Variants in SAP30L observed in about 807,000 individuals in gnomAD.
The protein encoded by SAP30L is histone deacetylase complex subunit SAP30L.
In SAP30L, 10 loss-of-function variants were observed where a neutral mutation model predicts 22.3. The observed-to-expected ratio is 0.45, with a 90% CI of 0.28 to 0.76. The LOEUF (loss-of-function observed/expected upper bound fraction) is 0.76. SAP30L is among the 30% of genes least tolerant of loss of function. SAP30L has a pLI of 0.14. For missense variants in SAP30L, 206 were observed against 237.9 expected (o/e 0.87, Z 0.88); for synonymous variants, 91 against 94.1 (o/e 0.97, Z 0.19).
intron 3 of SAP30L, among the ~76,000 whole-genome samples, chr5:154,455,233 T>C (rs1757238345): frequency 1.3e-5 from 2 of 152,164 alleles, no homozygotes; most frequent in South Asian, 4.2e-4. Flanking sequence ...CAATTTTTAT[T>C]TGTTTTTGAG....
rs373872173 is a variant in SAP30L at position 154,453,394 on chromosome 5, C to T, written c.325-8C>T. On this transcript the variant is annotated splice_region_variant and splice_polypyrimidine_tract_variant and intron_variant, in intron 2 of 3. Transcript: ENST00000297109. ...TGATGGATAACATTTTTCTCCTCTT[C>T]TCCCTAGGTTGATCTGTTCCAGCTG... 1.2e-6 allele frequency: 2 copies of T among 1,608,986 alleles called. No individual in the cohort carries two copies. The highest frequency in any genetic ancestry group is 1.3e-5 in the African/African-American group (1 of 74,776).
At chr5:154,452,390 A>C in intron 2 of SAP30L, 3 of 248,436 alleles carry the variant, frequency 1.2e-5, no homozygotes, top group Non-Finnish European at 1.8e-5. Context: ...AAAGGTTTTG[A>C]GGAATGTTTT....
In SAP30L at chr5:154,460,550, A is replaced by G. The variant is rs1204546181; in HGVS notation, c.*4522A>G. On this transcript the variant is annotated 3_prime_UTR_variant, in exon 4 of 4. Coordinates refer to ENST00000297109, the MANE Select transcript of SAP30L (RefSeq NM_024632.6). ...ACTGTTTCCAAGTTTATGGTTAGAA[A>G]TGGTAAAGTGGGTCTGGTGTTTTGA... The G allele has an allele frequency of 2.0e-5, 3 of 152,230 alleles. No individual in the cohort carries two copies. Among genetic ancestry groups the G allele is most frequent in the Non-Finnish European group, 4.4e-5 (3 of 68,050 alleles). The allele number at this position is 152,230 out of a possible 1,614,324, so 9.4% of individuals were successfully genotyped here.
Position 154,455,891 on chromosome 5 carries a change from C to T in SAP30L, c.424-9C>T, listed in dbSNP as rs181538456. ...GTTTAAGGAACTTTGGTATTTTCCC[C>T]CCACATAGACTGTGAGTCGACACTT... On this transcript the variant is annotated splice_polypyrimidine_tract_variant and intron_variant, in intron 3 of 3. Coordinates refer to ENST00000297109, the MANE Select transcript of SAP30L (RefSeq NM_024632.6). 1.9e-6 allele frequency: 3 copies of T among 1,601,086 alleles called. No individual in the cohort carries two copies. Among genetic ancestry groups the T allele is most frequent in the South Asian group, 1.1e-5 (1 of 88,590 alleles).
At chr5:154,450,183 G>C (rs1279263575) in intron 1 of SAP30L, among the ~76,000 whole-genome samples, 1 of 152,204 alleles carries the variant, frequency 6.6e-6, no homozygotes, top group African/African-American at 2.4e-5. Flanking sequence ...GCCAGCCTTG[G>C]AGGATTCTTC....
intron 1 of SAP30L, among the ~76,000 whole-genome samples, chr5:154,447,969 CTTTTTTTTTTTTTTTTTT>C (rs140213326): frequency 2.9e-4 from 26 of 88,382 alleles, no homozygotes; most frequent in African/African-American, 1.2e-3. Context: ...TTTTCTTTTT[CTTTTTTTTTTTTTTTTTT>C]TTTTTTGAGA....
chr5:154,452,027 A>G (rs1192656740), intron 2 of SAP30L, among the ~76,000 whole-genome samples: 1 of 152,204 alleles, frequency 6.6e-6, no homozygotes, highest in Admixed American at 6.5e-5. Flanking sequence ...GTGAGGCTTC[A>G]GGAAGGAATA....
rs1407128353 is a variant in SAP30L at position 154,451,400 on chromosome 5, A to G, written c.324+187A>G. 1.4e-5 allele frequency: 9 copies of G among 638,384 alleles called. No individual in the cohort carries two copies. In the Admixed American group the frequency reaches 1.6e-4, roughly 11 times the overall value. 39.5% of individuals were successfully genotyped at this position (638,384 alleles called of 1,614,324 possible). On this transcript the variant is annotated intron_variant, in intron 2 of 3. Coordinates refer to ENST00000297109, the MANE Select transcript of SAP30L (RefSeq NM_024632.6). ...CTAAAAGCTTGGACACCCACTGGTCAGACTGCCCCATCATTTTACAGACAG... is the reference window on the plus strand; with the variant it reads ...CTAAAAGCTTGGACACCCACTGGTCGGACTGCCCCATCATTTTACAGACAG...
At chr5:154,452,070 CAA>C (rs1260011374) in intron 2 of SAP30L, among the ~76,000 whole-genome samples, 1 of 152,162 alleles carries the variant, frequency 6.6e-6, no homozygotes. Flanking sequence ...TGTTTTCACT[CAA>C]GACTCAGCAA....
intron 1 of SAP30L, among the ~76,000 whole-genome samples, chr5:154,448,458 C>G (rs1427771438): frequency 6.6e-6 from 1 of 152,200 alleles, no homozygotes; most frequent in Non-Finnish European, 1.5e-5. Flanking sequence ...AAACAAGGGT[C>G]TAGACACCAA....
In SAP30L at chr5:154,456,180, T is replaced by G. The variant is rs2113282202; in HGVS notation, c.*152T>G. 1 of 687,622 alleles carries G rather than the reference T, an allele frequency of 1.5e-6. No individual in the cohort carries two copies. The highest frequency in any genetic ancestry group is 3.1e-5 in the East Asian group (1 of 32,738). 42.6% of individuals were successfully genotyped at this position (687,622 alleles called of 1,614,324 possible). A position where few individuals can be genotyped will look rare whatever the true frequency, so the allele number is the denominator to read the frequency against. On this transcript the variant is annotated 3_prime_UTR_variant, in exon 4 of 4. Coordinates refer to ENST00000297109, the MANE Select transcript of SAP30L (RefSeq NM_024632.6). ...AATCTTTTTGGTCAGGAGGATTATA[T>G]TCTCATGATTCAGCATGTGTATAGA...
chr5:154,453,629 T>C, intron 3 of SAP30L, 129 bp downstream of exon 3: 1 of 677,208 alleles, frequency 1.5e-6, no homozygotes, highest in Non-Finnish European at 2.6e-6. Flanking sequence ...CAACTCTGTA[T>C]TCCTCTTTGG....
rs527498978 is a variant in SAP30L, at chr5:154,460,993, A to G, written c.*4965A>G. On this transcript the variant is annotated 3_prime_UTR_variant, in exon 4 of 4. Coordinates refer to ENST00000297109, the MANE Select transcript of SAP30L (RefSeq NM_024632.6). ...TATGTATGTGACTTTTCATGTTGCA[A>G]TATCACACGATGGGATGGCCCGACT... The G allele has an allele frequency of 1.1e-4, 17 of 152,328 alleles. No homozygotes were observed. Among genetic ancestry groups the G allele is most frequent in the Non-Finnish European group, 2.5e-4 (17 of 68,018 alleles). 9.4% of individuals were successfully genotyped at this position (152,328 alleles called of 1,614,324 possible). A position where few individuals can be genotyped will look rare whatever the true frequency, so the allele number is the denominator to read the frequency against.
At position 154,457,883 on chromosome 5, in the gene SAP30L, C is replaced by G. The variant is rs980923138; in HGVS notation, c.*1855C>G. On this transcript the variant is annotated 3_prime_UTR_variant, in exon 4 of 4. Transcript: ENST00000297109. ...TGCTTACAGCTGAAGGATGTTGATACAGGCATCAAGAAGGCTGAGGGGCAG... is the reference window on the plus strand; with the variant it reads ...TGCTTACAGCTGAAGGATGTTGATAGAGGCATCAAGAAGGCTGAGGGGCAG... The G allele has an allele frequency of 6.6e-6, 1 of 152,152 alleles. No individual in the cohort carries two copies. Among genetic ancestry groups the G allele is most frequent in the Admixed American group, 6.6e-5 (1 of 15,266 alleles). 9.4% of individuals were successfully genotyped at this position (152,152 alleles called of 1,614,324 possible). A position where few individuals can be genotyped will look rare whatever the true frequency, so the allele number is the denominator to read the frequency against.
At chr5:154,447,355 G>A (rs2113265233) in intron 1 of SAP30L, among the ~76,000 whole-genome samples, 1 of 152,356 alleles carries the variant, frequency 6.6e-6, no homozygotes, top group Middle Eastern at 3.4e-3. Flanking sequence ...CAGGTCTTGA[G>A]AAATGGCTCT....
chr5:154,446,980 A>G (rs1757031283), intron 1 of SAP30L, among the ~76,000 whole-genome samples, 175 bp downstream of exon 1: 1 of 152,190 alleles, frequency 6.6e-6, no homozygotes, highest in Non-Finnish European at 1.5e-5. Context: ...ACATGCTCTG[A>G]CTGTGATTCT....
At chr5:154,449,794 C>T (rs1268392622) in intron 1 of SAP30L, among the ~76,000 whole-genome samples, 2 of 152,168 alleles carry the variant, frequency 1.3e-5, no homozygotes, top group African/African-American at 4.8e-5. Context: ...TAAGTGGTGG[C>T]TTTCATTAGC....
intron 1 of SAP30L, among the ~76,000 whole-genome samples, chr5:154,447,256 G>T (rs950143050): frequency 3.3e-5 from 5 of 152,222 alleles, no homozygotes; most frequent in African/African-American, 1.2e-4. Flanking sequence ...CCGCATCCTC[G>T]GTATCAGCAG....
rs1021171275 is a variant in SAP30L at position 154,461,002 on chromosome 5, G to A, written c.*4974G>A. The A allele has an allele frequency of 3.9e-5, 6 of 152,330 alleles. No individual in the cohort carries two copies. Among genetic ancestry groups the A allele is most frequent in the African/African-American group, 9.6e-5 (4 of 41,572 alleles). The allele number at this position is 152,330 out of a possible 1,614,324, so 9.4% of individuals were successfully genotyped here. A position where few individuals can be genotyped will look rare whatever the true frequency, so the allele number is the denominator to read the frequency against. On this transcript the variant is annotated 3_prime_UTR_variant, in exon 4 of 4. Transcript: ENST00000297109. ...GACTTTTCATGTTGCAATATCACAC[G>A]ATGGGATGGCCCGACTTTTGCTCTT... is the stretch of plus-strand genomic sequence containing the variant.
Sources: allele counts gnomAD v4.1 joint callset (sites outside exome capture counted in the v4.1 genomes callset), GRCh38; gene constraint gnomAD v4.1.1; transcripts MANE v1.5; gene names NCBI Gene and HGNC (gene_info 2026-07-23, HGNC 2026-07-21).